BAIAP2: variants seen among roughly 807,000 people sequenced by gnomAD.
BAIAP2 encodes the protein BAR/IMD domain containing adaptor protein 2.
A neutral mutation model predicts 63.0 loss-of-function variants in BAIAP2; 18 were observed. That is an observed-to-expected ratio of 0.29 (90% CI 0.20 to 0.42). BAIAP2 has a LOEUF of 0.42. BAIAP2 is among the 10% of genes least tolerant of loss of function. The pLI, the probability that BAIAP2 is intolerant of heterozygous loss-of-function variation, is 1.00. For missense variants in BAIAP2, 610 were observed against 734.3 expected, an observed-to-expected ratio of 0.83 and a Z score of 1.96; for synonymous variants, 386 against 307.6, an observed-to-expected ratio of 1.25 and a Z score of -2.67.
At chr17:81,105,796 G>A (rs984977898) in intron 10 of BAIAP2, 1 of 369,506 alleles carries the variant, frequency 2.7e-6, no homozygotes, top group African/African-American at 2.1e-5. Context: ...TGCGAGGCAG[G>A]AGCAACTGCT....
intron 1 of BAIAP2, among the ~76,000 whole-genome samples, chr17:81,044,722 G>A (rs538653764): frequency 1.3e-5 from 2 of 152,178 alleles, no homozygotes; most frequent in South Asian, 2.1e-4. Context: ...ATTGTATTAC[G>A]AGCCTATGAT....
chr17:81,059,610 G>A (rs890280357), intron 3 of BAIAP2, among the ~76,000 whole-genome samples: 5 of 152,132 alleles, frequency 3.3e-5, no homozygotes, highest in African/African-American at 1.2e-4. Flanking sequence ...ACGCCCAGCT[G>A]ATTTTTTATT....
chr17:81,059,100 GCC>G (rs1283793448), intron 3 of BAIAP2, among the ~76,000 whole-genome samples: 1 of 152,018 alleles, frequency 6.6e-6, no homozygotes, highest in Non-Finnish European at 1.5e-5. Flanking sequence ...GCACTTCGCA[GCC>G]CCCTGCGGAC....
rs185845452 is a variant in BAIAP2 at position 81,053,303 on chromosome 17, T to C, written c.55-365T>C. ...GTGTATGGCCGGTGGGGGGCCCTTC[T>C]GGGCTGACTCAGCCGCGCCAATGGG... On this transcript the variant is annotated intron_variant, in intron 1 of 13. Transcript: ENST00000428708. The C allele has an allele frequency of 1.7e-4, 42 of 249,482 alleles. No individual in the cohort carries two copies. The Admixed American group carries it at 1.7e-3, about 10-fold the overall frequency. 15.5% of individuals were successfully genotyped at this position (249,482 alleles called of 1,614,324 possible). A position where few individuals can be genotyped will look rare whatever the true frequency, so the allele number is the denominator to read the frequency against.
intron 13 of BAIAP2, chr17:81,108,729 C>G: frequency 2.3e-6 from 2 of 854,862 alleles, no homozygotes; most frequent in Non-Finnish European, 3.5e-6. Context: ...TCGCATCTGG[C>G]CGGCCCCATC....
Position 81,035,180 on chromosome 17 carries a change from T to C in BAIAP2, c.-75T>C. The C allele has an allele frequency of 1.6e-6, 2 of 1,281,966 alleles. No homozygotes were observed. Among genetic ancestry groups the C allele is most frequent in the Non-Finnish European group, 1.0e-6 (1 of 954,468 alleles). 79.4% of individuals were successfully genotyped at this position (1,281,966 alleles called of 1,614,324 possible). On this transcript the variant is annotated 5_prime_UTR_variant, in exon 1 of 14. Transcript: ENST00000428708. ...TTCGGGTCCGCTTTCGTCTCCGTCC[T>C]GCTGCCGTTACCGCCGCTGCTGCCG...
chr17:81,047,206 GGA>G (rs2047938707), intron 1 of BAIAP2, among the ~76,000 whole-genome samples: 1 of 152,214 alleles, frequency 6.6e-6, no homozygotes, highest in Admixed American at 6.5e-5. Flanking sequence ...GGACCAATTG[GGA>G]GAGAGGGACC....
At chr17:81,071,291 T>A (rs114194300) in intron 3 of BAIAP2, among the ~76,000 whole-genome samples, 131 of 152,270 alleles carry the variant, frequency 8.6e-4, no homozygotes, top group African/African-American at 3.0e-3. Context: ...TCTGGTCCCC[T>A]GGCCCCTGTG....
intron 3 of BAIAP2, among the ~76,000 whole-genome samples, chr17:81,059,202 G>T (rs549947188): frequency 6.6e-6 from 1 of 152,248 alleles, no homozygotes; most frequent in African/African-American, 2.4e-5. Context: ...TGATGCCCGG[G>T]CGGCTGGAGT....
chr17:81,108,180 T>G, intron 12 of BAIAP2: 2 of 475,684 alleles, frequency 4.2e-6, no homozygotes, highest in South Asian at 3.1e-5. Flanking sequence ...GGAGGAGGGG[T>G]CTCAGGCGGC....
At chr17:81,106,596 G>C in intron 11 of BAIAP2, 149 bp from the exon 12 acceptor site, 1 of 885,946 alleles carries the variant, frequency 1.1e-6, no homozygotes, top group Non-Finnish European at 1.7e-6. Context: ...CCCGGCCCAT[G>C]GTCCCCAGGG....
chr17:81,077,944 C>T (rs1178656811), intron 3 of BAIAP2, among the ~76,000 whole-genome samples: 8 of 143,076 alleles, frequency 5.6e-5, no homozygotes, highest in South Asian at 4.6e-4. Context: ...GCTGTGGGTG[C>T]GGGTGCCGTA....
intron 10 of BAIAP2, 61 bp downstream of exon 10, chr17:81,104,776 G>T: frequency 6.7e-7 from 1 of 1,482,926 alleles, no homozygotes; most frequent in East Asian, 2.5e-5. Context: ...GTGTGGGGCA[G>T]CGACACTCAA....
chr17:81,079,214 C>T (rs558699861), intron 3 of BAIAP2, among the ~76,000 whole-genome samples: 4 of 152,324 alleles, frequency 2.6e-5, no homozygotes, highest in Admixed American at 6.5e-5. Context: ...GGGGCCCAGC[C>T]GGGGTCTTGA....
chr17:81,104,554 C>T lies in BAIAP2; in HGVS notation c.1107C>T (p.Ala369=), dbSNP rs150926666. The T allele has an allele frequency of 8.4e-5, 135 of 1,610,072 alleles. No individual in the cohort carries two copies. In the African/African-American group the frequency reaches 9.3e-4, roughly 11 times the overall value. The change falls in exon 10 of 14, where the codon GCC becomes GCT. Residue 369 remains alanine, a synonymous_variant. Coordinates refer to ENST00000428708, the MANE Select transcript of BAIAP2 (RefSeq NM_001144888.2). ...TGCCTCGCTCGAGCTCCATGGCAGC[C>T]GGCCTGGAGCGCAATGGCCGTATGC... ...KTLPRSSSMA[A]GLERNGRMRV... is the part of the protein sequence containing the mutation.
chr17:81,069,842 G>A (rs937806263), intron 3 of BAIAP2, among the ~76,000 whole-genome samples: 1 of 152,248 alleles, frequency 6.6e-6, no homozygotes, highest in Non-Finnish European at 1.5e-5. Context: ...ACCTTGGGAG[G>A]ATGCTGTGCC....
chr17:81,104,166 A>C (rs983004774), intron 9 of BAIAP2, 58 bp downstream of exon 9: 4 of 1,572,660 alleles, frequency 2.5e-6, no homozygotes, highest in African/African-American at 2.7e-5. Flanking sequence ...CTCAGACCCT[A>C]CAGTCATGCC....
At chr17:81,058,607 C>G (rs566497127) in intron 3 of BAIAP2, among the ~76,000 whole-genome samples, 1 of 152,342 alleles carries the variant, frequency 6.6e-6, no homozygotes, top group African/African-American at 2.4e-5. Flanking sequence ...GACCCCGGGC[C>G]GGCTGCCTGT....
intron 13 of BAIAP2, among the ~76,000 whole-genome samples, chr17:81,114,761 C>T (rs993443290): frequency 8.5e-5 from 13 of 152,236 alleles, no homozygotes; most frequent in Admixed American, 3.3e-4. Flanking sequence ...CTGCCCACCC[C>T]AGGGTTTGCT....
Sources: allele counts gnomAD v4.1 joint callset (sites outside exome capture counted in the v4.1 genomes callset), GRCh38; gene constraint gnomAD v4.1.1; transcripts MANE v1.5; gene names NCBI Gene and HGNC (gene_info 2026-07-23, HGNC 2026-07-21).